Variants in GPR39 observed in about 807,000 individuals in gnomAD.
GPR39 encodes zinc sensing receptor.
In GPR39, 23 loss-of-function variants were observed where a neutral mutation model predicts 18.4. The ratio of observed to expected loss-of-function variants is 1.25; its 90% CI spans 0.90 to 1.77. GPR39 has a LOEUF of 1.77. Ranked by LOEUF, GPR39 falls within the 40% of genes most tolerant of loss-of-function variation. The probability of loss-of-function intolerance (pLI) is 0.00; values close to 1 mark genes in which losing one functional copy is unlikely to be tolerated. For synonymous variants in GPR39, 280 were observed against 257.9 expected (o/e 1.09, Z -0.82); for missense variants, 647 against 602.4 (o/e 1.07, Z -0.78).
intron 1 of GPR39, among the ~76,000 whole-genome samples, chr2:132,565,409 T>A (rs1680331077): frequency 6.6e-6 from 1 of 151,668 alleles, no homozygotes; most frequent in Admixed American, 6.6e-5. Context: ...TTTTTTTTTT[T>A]TTTATTATAC....
At chr2:132,625,582 AG>A (rs1321870464) in intron 1 of GPR39, among the ~76,000 whole-genome samples, 1 of 152,144 alleles carries the variant, frequency 6.6e-6, no homozygotes, top group African/African-American at 2.4e-5. Flanking sequence ...TGAGAACAGA[AG>A]GGGGGGAAAT....
chr2:132,560,277 G>A (rs1423288813), intron 1 of GPR39, among the ~76,000 whole-genome samples: 1 of 151,904 alleles, frequency 6.6e-6, no homozygotes, highest in Non-Finnish European at 1.5e-5. Flanking sequence ...ACCCCTTCTC[G>A]ATAGCTCCCA....
chr2:132,493,278 C>A (rs534538705), intron 1 of GPR39, among the ~76,000 whole-genome samples: 1 of 143,548 alleles, frequency 7.0e-6, no homozygotes, highest in Non-Finnish European at 1.5e-5. Context: ...TATATGTATA[C>A]CATATATACC....
At chr2:132,538,331 G>C (rs543847814) in intron 1 of GPR39, among the ~76,000 whole-genome samples, 2 of 152,308 alleles carry the variant, frequency 1.3e-5, no homozygotes, top group South Asian at 4.1e-4. Flanking sequence ...GCTTCAGTTT[G>C]CTGGGTATCC....
intron 1 of GPR39, among the ~76,000 whole-genome samples, chr2:132,580,309 C>G (rs1317613897): frequency 1.3e-5 from 2 of 152,196 alleles, no homozygotes; most frequent in African/African-American, 4.8e-5. Context: ...GGCTTTATCT[C>G]TAGTGTGAGG....
At chr2:132,560,349 A>G (rs1573667457) in intron 1 of GPR39, among the ~76,000 whole-genome samples, 2 of 151,910 alleles carry the variant, frequency 1.3e-5, no homozygotes, top group African/African-American at 4.8e-5. Flanking sequence ...CTCCTGTCCT[A>G]CAGCCACTGT....
At chr2:132,618,151 G>A (rs556011509) in intron 1 of GPR39, among the ~76,000 whole-genome samples, 3 of 152,224 alleles carry the variant, frequency 2.0e-5, no homozygotes, top group African/African-American at 4.8e-5. Context: ...CATTCCCTAA[G>A]TTAAGTGGAA....
At chr2:132,626,460 T>G (rs997602441) in intron 1 of GPR39, among the ~76,000 whole-genome samples, 10 of 152,208 alleles carry the variant, frequency 6.6e-5, no homozygotes, top group African/African-American at 2.4e-4. Flanking sequence ...ATCCCTGAGT[T>G]CTACATCCAA....
At chr2:132,618,275 A>G (rs1681375224) in intron 1 of GPR39, among the ~76,000 whole-genome samples, 1 of 152,228 alleles carries the variant, frequency 6.6e-6, no homozygotes, top group Non-Finnish European at 1.5e-5. Flanking sequence ...GCTGAGCCTC[A>G]TCATTTCAGC....
intron 1 of GPR39, chr2:132,644,852 TAC>T (rs1681965906): frequency 5.9e-6 from 3 of 510,734 alleles, no homozygotes; most frequent in Middle Eastern, 9.8e-4. Context: ...CTGGTATAAA[TAC>T]ACTGTCTAAA....
chr2:132,427,145 T>TATATAC (rs1680138132), intron 1 of GPR39, among the ~76,000 whole-genome samples: 1 of 81,960 alleles, frequency 1.2e-5, no homozygotes, highest in Non-Finnish European at 2.3e-5. Flanking sequence ...TATATATATA[T>TATATAC]ATATATATAT....
rs116379232 is a variant in GPR39, at chr2:132,480,400, A to G, written c.856+62502A>G. 9.0e-3 allele frequency among the ~76,000 whole-genome samples: 1,373 copies of G among 152,280 alleles called. 27 individuals carry two copies. Among genetic ancestry groups the G allele is most frequent in the African/African-American group, 0.031 (1,295 of 41,550 alleles). On this transcript the variant is annotated intron_variant, in intron 1 of 1. Coordinates refer to ENST00000329321, the MANE Select transcript of GPR39 (RefSeq NM_001508.3). ...AACTTAAAAATGGTTAAGATGGTAAATTTTTTATTATGTGGGCTTTCAAAA... is the reference window on the plus strand; with the variant it reads ...AACTTAAAAATGGTTAAGATGGTAAGTTTTTTATTATGTGGGCTTTCAAAA...
At chr2:132,430,185 G>A (rs990424746) in intron 1 of GPR39, among the ~76,000 whole-genome samples, 20 of 152,302 alleles carry the variant, frequency 1.3e-4, no homozygotes, top group African/African-American at 4.1e-4. Flanking sequence ...TGAAGGGGTG[G>A]TAGTTATCAA....
intron 1 of GPR39, chr2:132,433,844 G>T (rs1680264942): frequency 6.6e-6 from 1 of 151,116 alleles, no homozygotes; most frequent in Admixed American, 6.6e-5. Context: ...TTATGTTGGT[G>T]CAGGATTGCT....
intron 1 of GPR39, among the ~76,000 whole-genome samples, chr2:132,616,036 C>T (rs1328880711): frequency 6.6e-6 from 1 of 151,810 alleles, no homozygotes; most frequent in African/African-American, 2.4e-5. Context: ...AAACAGCCTC[C>T]CTCCCTCCTG....
intron 1 of GPR39, among the ~76,000 whole-genome samples, chr2:132,435,214 G>A (rs536604222): frequency 3.9e-5 from 6 of 152,178 alleles, no homozygotes; most frequent in Non-Finnish European, 7.4e-5. Context: ...GTTGACCCGA[G>A]TGTGCCTGCC....
chr2:132,628,669 A>G (rs1045996148), intron 1 of GPR39, among the ~76,000 whole-genome samples: 2 of 152,192 alleles, frequency 1.3e-5, no homozygotes, highest in African/African-American at 4.8e-5. Context: ...ACCATTTTCT[A>G]AGTACCATTA....
chr2:132,587,662 G>A (rs1680754135), intron 1 of GPR39, among the ~76,000 whole-genome samples: 1 of 151,912 alleles, frequency 6.6e-6, no homozygotes, highest in East Asian at 1.9e-4. Flanking sequence ...AGCCTCCCGA[G>A]TAGCTGGGAT....
intron 1 of GPR39, among the ~76,000 whole-genome samples, chr2:132,461,223 T>C (rs1291252409): frequency 1.3e-5 from 2 of 152,186 alleles, no homozygotes; most frequent in Admixed American, 1.3e-4. Context: ...AAAGTCACTC[T>C]AAACAAGTCT....
Sources: allele counts gnomAD v4.1 joint callset (sites outside exome capture counted in the v4.1 genomes callset), GRCh38; gene constraint gnomAD v4.1.1; transcripts MANE v1.5; gene names NCBI Gene and HGNC (gene_info 2026-07-23, HGNC 2026-07-21).